Variants in MYH3 observed in about 807,000 individuals in gnomAD.
The protein encoded by MYH3 is myosin-3.
In MYH3, 130 loss-of-function variants were observed where a neutral mutation model predicts 238.0. That is an observed-to-expected ratio of 0.55 (90% CI 0.47 to 0.63). MYH3 has a LOEUF of 0.63. Ranked by LOEUF, MYH3 falls within the 30% of genes least tolerant of loss-of-function variation. MYH3 has a pLI of 0.00. For missense variants in MYH3, 1,853 were observed against 2,374.9 expected, an observed-to-expected ratio of 0.78 and a Z score of 4.57; for synonymous variants, 880 against 924.1, an observed-to-expected ratio of 0.95 and a Z score of 0.86.
At chr17:10,660,390 T>A (rs530111083), upstream of MYH3, among the ~76,000 whole-genome samples, 19 of 152,308 alleles carry the variant, frequency 1.2e-4, no homozygotes, top group African/African-American at 4.1e-4. Flanking sequence ...AAAAAATAGT[T>A]TCTGGCCGGG....
At chr17:10,646,564 C>T (rs903688223) in intron 10 of MYH3, among the ~76,000 whole-genome samples, 1 of 152,136 alleles carries the variant, frequency 6.6e-6, no homozygotes, top group Non-Finnish European at 1.5e-5. Flanking sequence ...GCTTTGGCGT[C>T]GCATTTGGCC....
intron 4 of MYH3, 28 bp downstream of exon 4, chr17:10,652,392 G>A: frequency 1.2e-6 from 2 of 1,612,948 alleles, no homozygotes; most frequent in Non-Finnish European, 1.7e-6. Context: ...AATGCCCCAG[G>A]GAAACCACGT....
rs1033025428 is a variant in MYH3 at position 10,635,764 on chromosome 17, G to A, written c.3946C>T (p.Leu1316Phe). ...KQAFTQQTEE[L>F]KRQLEEENKA... is the part of the protein sequence containing the mutation. ...TTCTCTTCCTCCAGCTGCCTCTTGA[G>A]CTCTTCTGTTTGCTGGGTAAAGGCT... is the stretch of plus-strand genomic sequence containing the variant. Residue 1316 changes from leucine to phenylalanine, a missense_variant, in exon 29 of 41, where the codon CTC (leucine) becomes TTC (phenylalanine). Transcript: ENST00000583535. 1.6e-5 allele frequency: 26 copies of A among 1,614,030 alleles called. No individual in the cohort carries two copies. Among genetic ancestry groups the A allele is most frequent in the Non-Finnish European group, 2.2e-5 (26 of 1,180,016 alleles).
the MYH3 span, chr17:10,673,405 G>C: frequency 6.6e-6 from 1 of 152,190 alleles, no homozygotes; most frequent in East Asian, 1.9e-4. Flanking sequence ...GCACGTTCCC[G>C]ACAGGGCTTT....
At chr17:10,663,049 T>G in the MYH3 span, among the ~76,000 whole-genome samples, 6 of 152,098 alleles carry the variant, frequency 3.9e-5, no homozygotes. Context: ...ATTACACCAC[T>G]GCACTCCAGC....
chr17:10,638,203 A>G lies in MYH3; in HGVS notation c.3569T>C (p.Val1190Ala). The stretch of plus-strand genomic sequence containing the variant: ...CGCATGCTTCTTCCTCAGCGCGGCC[A>G]CCATGGCTTCGTGCTGCAGTGTGGC... ...EEATLQHEAM[V>A]AALRKKHADS... Residue 1190 changes from valine to alanine, a missense_variant, in exon 27 of 41, where the codon GTG (valine) becomes GCG (alanine). Coordinates refer to ENST00000583535, the MANE Select transcript of MYH3 (RefSeq NM_002470.4). The G allele has an allele frequency of 1.9e-6, 3 of 1,613,692 alleles. No homozygotes were observed. Among genetic ancestry groups the G allele is most frequent in the Non-Finnish European group, 2.5e-6 (3 of 1,179,926 alleles).
Position 10,656,711 on chromosome 17 carries a change from C to G in MYH3, c.-67-563G>C, listed in dbSNP as rs182525641. Among the ~76,000 whole-genome samples the G allele has an allele frequency of 3.3e-5, 5 of 152,272 alleles. No homozygotes were observed. In the East Asian group the frequency reaches 9.7e-4, roughly 29 times the overall value. The stretch of plus-strand genomic sequence containing the variant: ...GCACCTTCTTCAGTCTTCCTCACTC[C>G]CATTTAGAATCGGACAGCAGGGACC... On this transcript the variant is annotated intron_variant, in intron 1 of 40. Transcript: ENST00000583535.
chr17:10,633,565 G>A (rs752596050), intron 33 of MYH3, 26 bp downstream of exon 33: 13 of 1,611,252 alleles, frequency 8.1e-6, no homozygotes, highest in Admixed American at 3.3e-5. Context: ...CTGCATCTGC[G>A]CCTGAGCCTG....
At chr17:10,646,802 C>T (rs1302738944) in intron 10 of MYH3, among the ~76,000 whole-genome samples, 4 of 152,184 alleles carry the variant, frequency 2.6e-5, no homozygotes, top group African/African-American at 4.8e-5. Flanking sequence ...AATCCCAGCA[C>T]TGTGGGAGGC....
chr17:10,647,368 T>C lies in MYH3; in HGVS notation c.794A>G (p.Glu265Gly). The stretch of plus-strand genomic sequence containing the variant: ...ATCCCCATGGATCTACTTACAAGTT[T>C]CAATATCTGCAGAGGCCAGCTTCCC... Reference protein sequence around the residue: ...TTGKLASADIETYLLEKSRVT... With the variant: ...TTGKLASADIGTYLLEKSRVT... The change falls in exon 9 of 41, where the codon GAA (glutamate) becomes GGA (glycine). Residue 265 changes from glutamate to glycine, a missense_variant. By Grantham distance (98) the Glu-to-Gly change is moderately conservative. Around this residue, in one of 3 missense-constraint regions of MYH3, gnomAD observed 678 missense variants for 1,058.9 expected, o/e 0.64. Transcript: ENST00000583535. The C allele has an allele frequency of 6.2e-7, 1 of 1,614,228 alleles. No individual in the cohort carries two copies. The highest frequency in any genetic ancestry group is 1.3e-5 in the African/African-American group (1 of 75,056).
At chr17:10,670,515 C>T in the MYH3 span, among the ~76,000 whole-genome samples, 1 of 152,086 alleles carries the variant, frequency 6.6e-6, no homozygotes, top group Non-Finnish European at 1.5e-5. The surrounding 1 kb of genome is among the most constrained non-coding windows in gnomAD (Gnocchi z 7.0). Flanking sequence ...CACTGTGTTG[C>T]CCAGGCTTGT....
chr17:10,643,115 A>G, intron 14 of MYH3, 119 bp from the exon 15 acceptor site: 2 of 1,554,666 alleles, frequency 1.3e-6, no homozygotes, highest in Admixed American at 3.6e-5. Flanking sequence ...TTCAAATACA[A>G]TCACAATCTT....
At position 10,644,156 on chromosome 17, in the gene MYH3, CA is replaced by C. The variant is rs773273552; in HGVS notation, c.1410+194del. Among the ~76,000 whole-genome samples the C allele has an allele frequency of 7.8e-3, 695 of 88,614 alleles. 6 individuals carry two copies. The highest frequency in any genetic ancestry group is 0.019 in the African/African-American group (655 of 33,770). 58.1% of individuals were successfully genotyped at this position (88,614 alleles called of 152,430 possible). ...TGAGTGACAGGGTGAAACTCAGTCTCAAAAAAAAAAAACAAACAAAAAACCC... is the reference window on the plus strand; with the variant it reads ...TGAGTGACAGGGTGAAACTCAGTCTCAAAAAAAAAAACAAACAAAAAACCC... On this transcript the variant is annotated intron_variant, in intron 14 of 40. Transcript: ENST00000583535.
At chr17:10,631,460 G>C in intron 36 of MYH3, 151 bp downstream of exon 36, 2 of 1,083,670 alleles carry the variant, frequency 1.8e-6, no homozygotes, top group Non-Finnish European at 2.7e-6. Flanking sequence ...GTGCAGGAGG[G>C]AACAGGGGAG....
At chr17:10,639,001 C>T (rs779320604) in intron 25 of MYH3, 38 bp from the exon 26 acceptor site, 4 of 1,614,144 alleles carry the variant, frequency 2.5e-6, no homozygotes, top group South Asian at 2.2e-5. Context: ...AGACAAAATA[C>T]ACAGTAACTT....
intron 1 of MYH3, among the ~76,000 whole-genome samples, 151 bp downstream of exon 1, chr17:10,657,138 C>T (rs1452415230): frequency 6.6e-6 from 1 of 152,054 alleles, no homozygotes; most frequent in Non-Finnish European, 1.5e-5. Context: ...GCTCTCTACA[C>T]CTTGCTTATC....
chr17:10,635,842 G>A lies in MYH3; in HGVS notation c.3868C>T (p.Arg1290Cys), dbSNP rs1352788534. The A allele has an allele frequency of 2.2e-5, 35 of 1,612,716 alleles. No individual in the cohort carries two copies. Among genetic ancestry groups the A allele is most frequent in the Non-Finnish European group, 2.8e-5 (33 of 1,178,934 alleles). The change falls in exon 29 of 41, where the codon CGT (arginine) becomes TGT (cysteine). Residue 1290 changes from arginine to cysteine, a missense_variant. Transcript: ENST00000583535. ...ATGCTTTCTTTTTCTTCCAGCTGACGACTCAGCTCACCTGTGTCCAGAAGG... is the reference window on the plus strand; with the variant it reads ...ATGCTTTCTTTTTCTTCCAGCTGACAACTCAGCTCACCTGTGTCCAGAAGG... ...RLQTEAGELS[R>C]QLEEKESIVS...
At chr17:10,665,397 C>A in the MYH3 span, among the ~76,000 whole-genome samples, 1 of 152,154 alleles carries the variant, frequency 6.6e-6, no homozygotes, top group Non-Finnish European at 1.5e-5. Context: ...CCCGCCTTGG[C>A]CTCTCAAAGT....
the MYH3 span, among the ~76,000 whole-genome samples, chr17:10,670,833 A>G: frequency 6.6e-6 from 1 of 152,118 alleles, no homozygotes; most frequent in African/African-American, 2.4e-5. This position sits in a 1 kb window ranked among gnomAD's most constrained non-coding sequence, Gnocchi z 7.0. Flanking sequence ...CTCTATTTTA[A>G]TGGTTCTACG....
Sources: gnomAD v4.1 joint callset for allele counts (sites outside exome capture counted in the v4.1 genomes callset) on GRCh38, gnomAD v4.1.1 for gene constraint, gnomAD v4.1.1 regional missense constraint, Gnocchi (gnomAD v3.1) non-coding constraint, MANE v1.5 for transcripts, NCBI Gene and HGNC (gene_info 2026-07-23, HGNC 2026-07-21) for gene names.